Variants in LRRC63 observed in about 807,000 individuals in gnomAD.
LRRC63 encodes the protein leucine rich repeat containing 63, also known as leucine-rich repeat-containing protein 63.
A neutral mutation model predicts 49.5 loss-of-function variants in LRRC63; 40 were observed. The ratio of observed to expected loss-of-function variants is 0.81; its 90% CI spans 0.63 to 1.05. LRRC63 has a LOEUF of 1.05. LRRC63 is among the 50% of genes least tolerant of loss of function. LRRC63 has a pLI of 0.00. For missense variants in LRRC63, 636 were observed against 663.1 expected (o/e 0.96, Z 0.45); for synonymous variants, 191 against 221.1 (o/e 0.86, Z 1.21).
chr13:46,274,856 A>C (rs1437654876), intron 9 of LRRC63, among the ~76,000 whole-genome samples: 1 of 152,178 alleles, frequency 6.6e-6, no homozygotes. Flanking sequence ...TGTTGTGAAC[A>C]TTTAAAATCT....
At chr13:46,240,379 G>A (rs765243164) in intron 5 of LRRC63, among the ~76,000 whole-genome samples, 18 of 151,838 alleles carry the variant, frequency 1.2e-4, no homozygotes, top group South Asian at 2.1e-4. Flanking sequence ...CGCCCACCTC[G>A]GCCTCCCAAA....
intron 2 of LRRC63, among the ~76,000 whole-genome samples, chr13:46,220,613 TTCTA>T (rs1379850974): frequency 6.6e-6 from 1 of 151,154 alleles, no homozygotes; most frequent in Non-Finnish European, 1.5e-5. Context: ...TAGTGAACAG[TTCTA>T]TCTCTCTGGC....
intron 5 of LRRC63, among the ~76,000 whole-genome samples, chr13:46,244,379 C>CT (rs555404099): frequency 2.7e-4 from 41 of 152,164 alleles, no homozygotes; most frequent in Non-Finnish European, 4.4e-4. Flanking sequence ...AAAGAAGTCA[C>CT]TTTTTTAACA....
intron 4 of LRRC63, among the ~76,000 whole-genome samples, chr13:46,231,229 CTT>C (rs2138422270): frequency 6.6e-6 from 1 of 152,272 alleles, no homozygotes; most frequent in South Asian, 2.1e-4. Flanking sequence ...TTTCATGTAT[CTT>C]TATAGCAATG....
At chr13:46,250,523 G>T (rs1312422697) in intron 7 of LRRC63, 32 bp downstream of exon 7, 3 of 1,439,766 alleles carry the variant, frequency 2.1e-6, no homozygotes, top group Non-Finnish European at 2.8e-6. Context: ...TATAAACACA[G>T]AAAATAATTC....
At chr13:46,228,131 T>G (rs905246775) in exon 3 of LRRC63, 28 of 1,550,264 alleles carry the variant, frequency 1.8e-5, no homozygotes, top group Non-Finnish European at 2.3e-5. Flanking sequence ...AATTTCCAGG[T>G]TTTGTTTCCT....
chr13:46,212,701 A>G (rs2138327029), intron 1 of LRRC63, among the ~76,000 whole-genome samples: 1 of 152,358 alleles, frequency 6.6e-6, no homozygotes, highest in African/African-American at 2.4e-5. Flanking sequence ...TTGAAATAGC[A>G]TTGGCAAATT....
intron 7 of LRRC63, among the ~76,000 whole-genome samples, chr13:46,255,806 T>A (rs2047498038): frequency 6.6e-6 from 1 of 152,088 alleles, no homozygotes; most frequent in Non-Finnish European, 1.5e-5. Flanking sequence ...CGCACCCATA[T>A]AACTACTATC....
intron 7 of LRRC63, among the ~76,000 whole-genome samples, chr13:46,253,017 G>C (rs754028096): frequency 6.6e-6 from 1 of 152,044 alleles, no homozygotes; most frequent in Non-Finnish European, 1.5e-5. Context: ...GTGGAGGATG[G>C]ATGTGAGGGG....
chr13:46,212,981 T>C (rs1000155285), intron 1 of LRRC63, 21 bp from the exon 2 acceptor site: 7 of 1,202,208 alleles, frequency 5.8e-6, no homozygotes, highest in African/African-American at 1.5e-5. Context: ...CAAAACCTTT[T>C]CAATTCTCAT....
In LRRC63 at chr13:46,214,675, A is replaced by T. The variant is rs142658440; in HGVS notation, c.85+1556A>T. On this transcript the variant is annotated intron_variant, in intron 2 of 9. Transcript: ENST00000595396. ...AAAAAAAAAAAAGCAGGATACATGC[A>T]CAGAACGTGCAGGTTTGTTACATAG... 5.8e-3 allele frequency among the ~76,000 whole-genome samples: 873 copies of T among 151,188 alleles called. 7 individuals carry two copies. The highest frequency in any genetic ancestry group is 0.02 in the African/African-American group (816 of 41,240).
At chr13:46,236,357 T>G (rs1370365224) in intron 5 of LRRC63, among the ~76,000 whole-genome samples, 4 of 152,018 alleles carry the variant, frequency 2.6e-5, no homozygotes, top group African/African-American at 9.7e-5. Context: ...TGCCAAGAAA[T>G]CCACAATGAG....
chr13:46,255,136 CATT>C (rs1165626202), intron 7 of LRRC63, among the ~76,000 whole-genome samples: 3 of 148,278 alleles, frequency 2.0e-5, no homozygotes, highest in African/African-American at 8.0e-5. Flanking sequence ...GCCTTGAAAA[CATT>C]ATGCTAGGTG....
intron 5 of LRRC63, among the ~76,000 whole-genome samples, chr13:46,246,231 C>T (rs1173594330): frequency 6.6e-6 from 1 of 152,130 alleles, no homozygotes; most frequent in Non-Finnish European, 1.5e-5. Flanking sequence ...CCTGGAGAAC[C>T]GTGAGCCAAT....
intron 2 of LRRC63, among the ~76,000 whole-genome samples, chr13:46,224,366 T>C (rs975547384): frequency 1.3e-5 from 2 of 152,168 alleles, no homozygotes; most frequent in African/African-American, 4.8e-5. Context: ...AAATATATTT[T>C]ATATTTTCTT....
intron 9 of LRRC63, among the ~76,000 whole-genome samples, chr13:46,273,319 G>T (rs1334299961): frequency 6.6e-6 from 1 of 152,096 alleles, no homozygotes; most frequent in African/African-American, 2.4e-5. Flanking sequence ...ATAAAGGGTA[G>T]TGGACCGGGC....
intron 7 of LRRC63, among the ~76,000 whole-genome samples, chr13:46,258,645 TA>T (rs1320225558): frequency 1.3e-5 from 2 of 149,600 alleles, no homozygotes; most frequent in African/African-American, 2.4e-5. Context: ...CCATCTCTAC[TA>T]AAAATACAAA....
chr13:46,246,981 T>C (rs1230491), intron 6 of LRRC63, among the ~76,000 whole-genome samples: 80,374 of 152,044 alleles, frequency 0.53, 24,657 homozygotes, highest in African/African-American at 0.85. Context: ...AGTGTTGTAA[T>C]AAGTTTTAAT....
At chr13:46,270,193 A>C in intron 9 of LRRC63, 1 of 783,666 alleles carries the variant, frequency 1.3e-6, no homozygotes, top group East Asian at 2.4e-5. Flanking sequence ...ACTGTATACC[A>C]CAGCACTCTA....
Sources: gnomAD v4.1 joint callset for allele counts (sites outside exome capture counted in the v4.1 genomes callset) on GRCh38, gnomAD v4.1.1 for gene constraint, MANE v1.5 for transcripts, NCBI Gene and HGNC (gene_info 2026-07-23, HGNC 2026-07-21) for gene names.